The following RTKN variants were observed in gnomAD, a reference collection of about 807,000 sequenced individuals.
RTKN encodes rhotekin.
A neutral mutation model predicts 63.5 loss-of-function variants in RTKN; 49 were observed. The observed-to-expected ratio is 0.77, with a 90% CI of 0.61 to 0.98. The LOEUF is 0.98. RTKN is among the 50% of genes least tolerant of loss of function. The pLI, the probability that RTKN is intolerant of heterozygous loss-of-function variation, is 0.00. For synonymous variants in RTKN, 295 were observed against 290.4 expected (o/e 1.02, Z -0.16); for missense variants, 685 against 740.8 (o/e 0.92, Z 0.87).
chr2:74,440,433 C>T (rs1315338349), intron 1 of RTKN: 11 of 986,688 alleles, frequency 1.1e-5, no homozygotes, highest in Non-Finnish European at 1.2e-5. Context: ...CTCCCTTCTG[C>T]AGGCCCCTTC....
At chr2:74,430,800 A>C in intron 2 of RTKN, 123 bp from the exon 3 acceptor site, 2 of 936,722 alleles carry the variant, frequency 2.1e-6, no homozygotes, top group Non-Finnish European at 3.1e-6. Flanking sequence ...AGCCAGGCCG[A>C]CAGGCAGGGC....
rs1468183534 is a variant in RTKN at position 74,441,708 on chromosome 2, C to T, written c.109G>A (p.Glu37Lys). The T allele has an allele frequency of 6.2e-7, 1 of 1,608,208 alleles. No individual in the cohort carries two copies. The highest frequency in any genetic ancestry group is 8.5e-7 in the Non-Finnish European group (1 of 1,177,764). The change falls in exon 1 of 12, where the codon GAG becomes AAG. Residue 37 changes from glutamate to lysine, a missense_variant and splice_region_variant. Physicochemically the swap from Glu to Lys is moderately conservative, Grantham distance 56. Coordinates refer to ENST00000272430, the MANE Select transcript of RTKN (RefSeq NM_001015055.2). Reference sequence around the variant, plus strand: ...AGGCAGGGACGCGAGTCTCTCACCTCGGGCAGGTCGCTGAAGAGGCTGAGT... The same window carrying T: ...AGGCAGGGACGCGAGTCTCTCACCTTGGGCAGGTCGCTGAAGAGGCTGAGT... ...FRLSLFSDLP[E>K]DTELQRKLDH...
At chr2:74,440,659 CCCCCACGCTGG>C in intron 1 of RTKN, 1 of 768,006 alleles carries the variant, frequency 1.3e-6, no homozygotes, top group Non-Finnish European at 1.6e-6. Context: ...GCCCCTTACT[CCCCCACGCTGG>C]CCCCACGCGG....
intron 1 of RTKN, among the ~76,000 whole-genome samples, chr2:74,433,636 C>T (rs530497161): frequency 6.6e-6 from 1 of 152,128 alleles, no homozygotes; most frequent in Non-Finnish European, 1.5e-5. Flanking sequence ...ACTACAGGCG[C>T]CCGCCACCAC....
In RTKN at chr2:74,427,730, G is replaced by T. The variant is rs981431809; in HGVS notation, c.1087-138C>A. The stretch of plus-strand genomic sequence containing the variant: ...TCTCATTTGCCTCCTACTGACCAGA[G>T]TAGGAAGGAATGGCAAAAAAGGGCT... On this transcript the variant is annotated intron_variant, in intron 9 of 11. Transcript: ENST00000272430. The T allele has an allele frequency of 1.3e-5, 12 of 912,120 alleles. No individual in the cohort carries two copies. In the African/African-American group the frequency reaches 1.8e-4, roughly 14 times the overall value. The allele number at this position is 912,120 out of a possible 1,614,324, so 56.5% of individuals were successfully genotyped here.
At chr2:74,426,806 G>C (rs1158668348) in intron 11 of RTKN, 32 of 1,355,562 alleles carry the variant, frequency 2.4e-5, no homozygotes, top group Non-Finnish European at 2.9e-5. Flanking sequence ...AAGGGGAGGA[G>C]TGGGGAGCAG....
At position 74,426,129 on chromosome 2, in the gene RTKN, G is replaced by C; in HGVS notation, c.*114C>G. 2.1e-6 allele frequency: 2 copies of C among 933,428 alleles called. No individual in the cohort carries two copies. Among genetic ancestry groups the C allele is most frequent in the South Asian group, 3.1e-5 (2 of 64,676 alleles). The allele number at this position is 933,428 out of a possible 1,614,324, so 57.8% of individuals were successfully genotyped here. A position where few individuals can be genotyped will look rare whatever the true frequency, so the allele number is the denominator to read the frequency against. On this transcript the variant is annotated 3_prime_UTR_variant, in exon 12 of 12. Coordinates refer to ENST00000272430, the MANE Select transcript of RTKN (RefSeq NM_001015055.2). ...CCTGCAGCCTACCCCAGGTCCAGCA[G>C]AGGAACAGGAGGCCAGACTGGCCAA...
chr2:74,441,717 C>A lies in RTKN; in HGVS notation c.100G>T (p.Asp34Tyr), dbSNP rs759149987. The change falls in exon 1 of 12, where the codon GAC becomes TAC. Residue 34 changes from aspartate (D) to tyrosine (Y), a missense_variant. Physicochemically the swap from Asp to Tyr is radical, Grantham distance 160. Coordinates refer to ENST00000272430, the MANE Select transcript of RTKN (RefSeq NM_001015055.2). ...RGRFRLSLFS[D>Y]LPEDTELQRK... ...CGCGAGTCTCTCACCTCGGGCAGGT[C>A]GCTGAAGAGGCTGAGTCGGAAGCGG... The A allele has an allele frequency of 6.2e-6, 10 of 1,610,248 alleles. No individual in the cohort carries two copies. The South Asian group carries it at 7.8e-5, about 12-fold the overall frequency.
chr2:74,435,835 C>T (rs1387874828), intron 1 of RTKN, among the ~76,000 whole-genome samples: 1 of 152,216 alleles, frequency 6.6e-6, no homozygotes, highest in Non-Finnish European at 1.5e-5. Context: ...ACCCTAAATT[C>T]CCTCTTCTAA....
rs543948809 is a variant in RTKN at position 74,432,982 on chromosome 2, G to T, written c.112-316C>A. The stretch of plus-strand genomic sequence containing the variant: ...ATAACAGCCGGGCACGGTGGCTCAC[G>T]CCTGTAATCCCAGCACTTTGGGAGG... On this transcript the variant is annotated intron_variant, in intron 1 of 11. Coordinates refer to ENST00000272430, the MANE Select transcript of RTKN (RefSeq NM_001015055.2). 8.5e-5 allele frequency among the ~76,000 whole-genome samples: 13 copies of T among 152,100 alleles called. No individual in the cohort carries two copies. In the East Asian group the frequency reaches 2.5e-3, roughly 29 times the overall value.
Position 74,428,690 on chromosome 2 carries a change from G to GACGGCAACAC in RTKN, c.888_897dup (p.Leu300ValfsTer50). On this transcript the variant is annotated frameshift_variant, in exon 8 of 12. Coordinates refer to ENST00000272430, the MANE Select transcript of RTKN (RefSeq NM_001015055.2). LOFTEE classifies it high-confidence loss of function. ...GTCATGCAGAGAGGCTGAGCTGCCA[G>GACGGCAACAC]ACGGCAACACACGCTACCATAAAGG... 6.2e-7 allele frequency: 1 copy of GACGGCAACAC among 1,614,090 alleles called. No individual in the cohort carries two copies. The highest frequency in any genetic ancestry group is 8.5e-7 in the Non-Finnish European group (1 of 1,179,998).
Position 74,427,557 on chromosome 2 carries a change from A to C in RTKN, c.1122T>G (p.Ala374=). The C allele has an allele frequency of 6.2e-7, 1 of 1,613,546 alleles. No individual in the cohort carries two copies. Among genetic ancestry groups the C allele is most frequent in the East Asian group, 2.2e-5 (1 of 44,880 alleles). The stretch of plus-strand genomic sequence containing the variant: ...TGCTTAGGGTGAAGGGCCGTCCTAG[A>C]GCCTGGTCCAGCTCCCCTGCCCGGA... ...TRVRAGELDQ[A]LGRPFTLSIS... Residue 374 remains alanine (A), a synonymous_variant, in exon 10 of 12, where the codon GCT becomes GCG. Coordinates refer to ENST00000272430, the MANE Select transcript of RTKN (RefSeq NM_001015055.2).
rs1352803705 is a variant in RTKN, at chr2:74,427,150, TC to T, written c.1360+18del. 5 of 1,606,546 alleles carry T rather than the reference TC, an allele frequency of 3.1e-6. No homozygotes were observed. The highest frequency in any genetic ancestry group is 1.7e-5 in the Admixed American group (1 of 59,836). ...CTACTTCCCATTAGCTTCCTGGAGT[TC>T]ACATTCCTCTCACTTACCCATCTCA... On this transcript the variant is annotated intron_variant, in intron 11 of 11. Transcript: ENST00000272430.
chr2:74,434,495 G>T lies in RTKN; in HGVS notation c.112-1829C>A, dbSNP rs563300644. Among the ~76,000 whole-genome samples the T allele has an allele frequency of 1.4e-4, 22 of 152,226 alleles. No individual in the cohort carries two copies. In the South Asian group the frequency reaches 2.9e-3, roughly 20 times the overall value. On this transcript the variant is annotated intron_variant, in intron 1 of 11. Transcript: ENST00000272430. The stretch of plus-strand genomic sequence containing the variant: ...GGGTTGCACCATGTTGGCCAGGCTG[G>T]TCTCAAACTCCCGACCTCAGGTGAT...
At chr2:74,439,559 T>A in intron 1 of RTKN, 1 of 1,614,172 alleles carries the variant, frequency 6.2e-7, no homozygotes, top group East Asian at 2.2e-5. Flanking sequence ...ACCTCCAGGC[T>A]GAGTGCCATC....
chr2:74,436,055 G>A lies in RTKN; in HGVS notation c.112-3389C>T, dbSNP rs1384379575. On this transcript the variant is annotated intron_variant, in intron 1 of 11. Coordinates refer to ENST00000272430, the MANE Select transcript of RTKN (RefSeq NM_001015055.2). This position sits in a 1 kb window ranked among gnomAD's most constrained non-coding sequence, Gnocchi z 4.3. ...TTTGTCTGCACCAGGGTTCTGCGCT[G>A]CCCGACAACCCCCACCCCAGTCTGC... 1.3e-5 allele frequency among the ~76,000 whole-genome samples: 2 copies of A among 152,030 alleles called. No homozygotes were observed. Among genetic ancestry groups the A allele is most frequent in the Non-Finnish European group, 2.9e-5 (2 of 68,026 alleles).
chr2:74,429,532 C>T (rs1339619420), intron 6 of RTKN, among the ~76,000 whole-genome samples: 2 of 152,128 alleles, frequency 1.3e-5, no homozygotes, highest in African/African-American at 4.8e-5. Context: ...CGAGACTAGC[C>T]TGGGCAACAT....
chr2:74,428,024 C>T (rs771987803), intron 9 of RTKN: 1 of 561,544 alleles, frequency 1.8e-6, no homozygotes, highest in East Asian at 3.0e-5. Flanking sequence ...AAGCCCTGAA[C>T]CTGCAGGCGA....
rs754600529 is a variant in RTKN, at chr2:74,427,556, G to C, written c.1123C>G (p.Leu375Val). ...ATGCTTAGGGTGAAGGGCCGTCCTA[G>C]AGCCTGGTCCAGCTCCCCTGCCCGG... Reference protein sequence around the residue: ...RVRAGELDQALGRPFTLSISN... With the variant: ...RVRAGELDQAVGRPFTLSISN... The change falls in exon 10 of 12, where the codon CTA becomes GTA. Residue 375 changes from leucine (L) to valine (V), a missense_variant. Transcript: ENST00000272430. The C allele has an allele frequency of 6.2e-7, 1 of 1,613,668 alleles. No homozygotes were observed. The highest frequency in any genetic ancestry group is 1.3e-5 in the African/African-American group (1 of 75,042).
Sources: gnomAD v4.1 joint callset for allele counts (sites outside exome capture counted in the v4.1 genomes callset) on GRCh38, gnomAD v4.1.1 for gene constraint, Gnocchi (gnomAD v3.1) non-coding constraint, MANE v1.5 for transcripts, NCBI Gene and HGNC (gene_info 2026-07-23, HGNC 2026-07-21) for gene names.